Variants in NCR2 observed in about 807,000 individuals in gnomAD.
The protein encoded by NCR2 is natural cytotoxicity triggering receptor 2, also known as NK cell activating receptor (NKp44).
NCR2 carries 35 observed loss-of-function variants against 30.7 expected under a neutral mutation model. The observed-to-expected ratio is 1.14, with a 90% CI of 0.87 to 1.51. The LOEUF is 1.51. Ranked by LOEUF, NCR2 falls within the 40% of genes most tolerant of loss-of-function variation. The pLI is 0.00. For missense variants in NCR2, 316 were observed against 328.9 expected, an observed-to-expected ratio of 0.96 and a Z score of 0.30; for synonymous variants, 146 against 134.8, an observed-to-expected ratio of 1.08 and a Z score of -0.58.
chr6:41,347,884 G>A (rs1435288174), intron 4 of NCR2, among the ~76,000 whole-genome samples: 1 of 152,186 alleles, frequency 6.6e-6, no homozygotes, highest in Non-Finnish European at 1.5e-5. Context: ...GCATCCTCAT[G>A]TGGTTGCTCG....
Position 41,336,460 on chromosome 6 carries a change from T to A in NCR2, c.394+32T>A, listed in dbSNP as rs750172338. The stretch of plus-strand genomic sequence containing the variant: ...TCTTTCCCTAGGGTCCTCAGAGGGG[T>A]GCCCCTCACCCCCTTTTGGTGCCTC... On this transcript the variant is annotated intron_variant, in intron 2 of 4. Transcript: ENST00000373089. 5.7e-6 allele frequency: 9 copies of A among 1,570,806 alleles called. No individual in the cohort carries two copies. The South Asian group carries it at 1.0e-4, about 18-fold the overall frequency.
At chr6:41,339,720 A>G (rs1037211835) in intron 2 of NCR2, among the ~76,000 whole-genome samples, 2 of 152,142 alleles carry the variant, frequency 1.3e-5, no homozygotes, top group Non-Finnish European at 2.9e-5. Context: ...ACATCTGCAA[A>G]TTTCCCTTTG....
chr6:41,336,906 CAA>C (rs1344620804), intron 2 of NCR2, among the ~76,000 whole-genome samples: 1 of 151,938 alleles, frequency 6.6e-6, no homozygotes, highest in African/African-American at 2.4e-5. Flanking sequence ...AAAAGAAAAA[CAA>C]TATTTTGTGA....
intron 2 of NCR2, among the ~76,000 whole-genome samples, chr6:41,341,114 CT>C (rs1769157175): frequency 6.6e-6 from 1 of 152,140 alleles, no homozygotes; most frequent in Non-Finnish European, 1.5e-5. Context: ...CTTTCTTTTC[CT>C]TCGCCACCCC....
At chr6:41,336,027 CT>C (rs1183004783) in intron 1 of NCR2, 59 bp from the exon 2 acceptor site, 1 of 1,589,542 alleles carries the variant, frequency 6.3e-7, no homozygotes, top group African/African-American at 1.3e-5. Flanking sequence ...GGCCAGAGGC[CT>C]GCTGTGAGGC....
intron 4 of NCR2, among the ~76,000 whole-genome samples, chr6:41,345,853 C>T (rs1406743542): frequency 2.0e-5 from 3 of 152,298 alleles, no homozygotes; most frequent in Middle Eastern, 3.4e-3. Context: ...CTTCTCTGAA[C>T]GTCACCGCGG....
chr6:41,341,860 G>C lies in NCR2; in HGVS notation c.461G>C (p.Ser154Thr). ...GTCTCTTCACAGACCCAGACCCAGA[G>C]CTGTGTGCCTCCCACTGCAGGAGCC... ...DLVSSQTQTQ[S>T]CVPPTAGARQ... The change falls in exon 3 of 5, where the codon AGC becomes ACC. Residue 154 changes from serine (S) to threonine (T), a missense_variant. Physicochemically the swap from Ser to Thr is moderately conservative, Grantham distance 58 (BLOSUM62 1). Transcript: ENST00000373089. 6.2e-7 allele frequency: 1 copy of C among 1,613,796 alleles called. No homozygotes were observed. The highest frequency in any genetic ancestry group is 8.5e-7 in the Non-Finnish European group (1 of 1,179,994).
At chr6:41,342,007 T>C in intron 3 of NCR2, 29 bp from the exon 4 acceptor site, 13 of 1,613,658 alleles carry the variant, frequency 8.1e-6, no homozygotes, top group Non-Finnish European at 1.1e-5. Context: ...CAGCCCGTCC[T>C]CTCCCCTTCC....
Position 41,338,767 on chromosome 6 carries a change from A to G in NCR2, c.394+2339A>G, listed in dbSNP as rs570980800. Among the ~76,000 whole-genome samples, 25 of 152,338 alleles carry G rather than the reference A, an allele frequency of 1.6e-4. No individual in the cohort carries two copies. The South Asian group carries it at 5.0e-3, about 30-fold the overall frequency. ...AGATGGTCATCCATCTTGTTATCCA[A>G]TTCCTGAATATGTTGACCTAAGGCG... On this transcript the variant is annotated intron_variant, in intron 2 of 4. Coordinates refer to ENST00000373089, the MANE Select transcript of NCR2 (RefSeq NM_004828.4).
chr6:41,349,507 C>G (rs999080125), intron 4 of NCR2, among the ~76,000 whole-genome samples: 2 of 152,196 alleles, frequency 1.3e-5, no homozygotes, highest in African/African-American at 2.4e-5. Context: ...TTGGAACTTT[C>G]ACCCCACCTC....
At position 41,335,731 on chromosome 6, in the gene NCR2, T is replaced by C. The variant is rs1237924358; in HGVS notation, c.-146T>C. 4.5e-6 allele frequency: 4 copies of C among 882,194 alleles called. No individual in the cohort carries two copies. The African/African-American group carries it at 4.9e-5, about 11-fold the overall frequency. 54.6% of individuals were successfully genotyped at this position (882,194 alleles called of 1,614,324 possible). On this transcript the variant is annotated 5_prime_UTR_variant, in exon 1 of 5. Transcript: ENST00000373089. ...CCCACAGAATCTGCCCTTTGCAGTC[T>C]CCCATCTCCCCAACCCAGGCCTCAG...
At position 41,342,052 on chromosome 6, in the gene NCR2, C is replaced by T. The variant is rs1769185852; in HGVS notation, c.547C>T (p.Leu183Phe). The stretch of plus-strand genomic sequence containing the variant: ...GCCTTCCAGGCCACAGAACTCCACG[C>T]TCCGCCCTGGCCCTGCAGCCCCCAT... ...PVPSQPQNSTLRPGPAAPIAL... is the reference protein window; with the variant it reads ...PVPSQPQNSTFRPGPAAPIAL... The change falls in exon 4 of 5, where the codon CTC becomes TTC. Residue 183 changes from leucine to phenylalanine, a missense_variant. Leu to Phe is a conservative substitution (Grantham distance 22). Transcript: ENST00000373089. 2 of 1,614,000 alleles carry T rather than the reference C, an allele frequency of 1.2e-6. No individual in the cohort carries two copies. Among genetic ancestry groups the T allele is most frequent in the Non-Finnish European group, 1.7e-6 (2 of 1,180,028 alleles).
intron 2 of NCR2, among the ~76,000 whole-genome samples, chr6:41,340,147 C>CTTCATTTA (rs1554152414): frequency 2.7e-5 from 4 of 147,240 alleles, no homozygotes; most frequent in African/African-American, 5.1e-5. Flanking sequence ...TAGCTAACAA[C>CTTCATTTA]TTTATTTATT....
chr6:41,346,821 GAGAA>G (rs921002467), intron 4 of NCR2, among the ~76,000 whole-genome samples: 4 of 136,574 alleles, frequency 2.9e-5, no homozygotes, highest in African/African-American at 1.1e-4. Context: ...GGGGGAAAGA[GAGAA>G]AGAGAGGGAG....
At position 41,344,667 on chromosome 6, in the gene NCR2, A is replaced by G. The variant is rs184185793; in HGVS notation, c.644+2518A>G. Reference sequence around the variant, plus strand: ...AGCCACATTTTCTCTGGAAATATTAAAGTTTTAACTTTTGAACTTTTCCGA... The same window carrying G: ...AGCCACATTTTCTCTGGAAATATTAGAGTTTTAACTTTTGAACTTTTCCGA... On this transcript the variant is annotated intron_variant, in intron 4 of 4. Transcript: ENST00000373089. 8.4e-4 allele frequency among the ~76,000 whole-genome samples: 128 copies of G among 152,326 alleles called. 1 individual carries two copies. The highest frequency in any genetic ancestry group is 3.0e-3 in the African/African-American group (123 of 41,556).
intron 4 of NCR2, among the ~76,000 whole-genome samples, chr6:41,344,993 GT>G (rs2114062081): frequency 6.6e-6 from 1 of 152,096 alleles, no homozygotes; most frequent in South Asian, 2.1e-4. Context: ...GAGCAAAGGG[GT>G]CTCGCTGCCC....
At chr6:41,338,945 C>T (rs1769098378) in intron 2 of NCR2, among the ~76,000 whole-genome samples, 1 of 152,218 alleles carries the variant, frequency 6.6e-6, no homozygotes, top group Admixed American at 6.5e-5. Context: ...AAGTCTAGAG[C>T]TTATATGTGA....
chr6:41,339,216 C>A (rs1769109822), intron 2 of NCR2, among the ~76,000 whole-genome samples: 1 of 152,078 alleles, frequency 6.6e-6, no homozygotes, highest in Non-Finnish European at 1.5e-5. Context: ...CGCCTGCCAC[C>A]ACACCCGGCT....
intron 4 of NCR2, among the ~76,000 whole-genome samples, chr6:41,348,037 G>T (rs1023343676): frequency 8.5e-5 from 13 of 152,180 alleles, no homozygotes; most frequent in Non-Finnish European, 1.9e-4. Context: ...ACAAACCGTT[G>T]CTTCTGCCAT....
Sources: allele counts gnomAD v4.1 joint callset (sites outside exome capture counted in the v4.1 genomes callset), GRCh38; gene constraint gnomAD v4.1.1; transcripts MANE v1.5; gene names NCBI Gene and HGNC (gene_info 2026-07-23, HGNC 2026-07-21).